BLK: variants seen among roughly 807,000 people sequenced by gnomAD.
BLK encodes tyrosine-protein kinase Blk.
A neutral mutation model predicts 61.8 loss-of-function variants in BLK; 64 were observed. The ratio of observed to expected loss-of-function variants is 1.03; its 90% confidence interval spans 0.85 to 1.27. BLK has a LOEUF of 1.27. Ranked by LOEUF, BLK falls within the 50% of genes most tolerant of loss-of-function variation. The pLI, the probability that BLK is intolerant of heterozygous loss-of-function variation, is 0.00. For synonymous variants in BLK, 351 were observed against 272.0 expected (o/e 1.29, Z -2.86); for missense variants, 853 against 660.5 (o/e 1.29, Z -3.19).
At chr8:11,500,334 C>T (rs1266708106) in intron 1 of BLK, among the ~76,000 whole-genome samples, 1 of 152,020 alleles carries the variant, frequency 6.6e-6, no homozygotes, top group African/African-American at 2.4e-5. Context: ...GCTAGGACTA[C>T]AGGTGTGCAC....
chr8:11,557,759 C>G, intron 9 of BLK: 1 of 568,364 alleles, frequency 1.8e-6, no homozygotes, highest in Non-Finnish European at 3.3e-6. Flanking sequence ...TATTGGCTGC[C>G]TCCCGGGGTG....
At chr8:11,554,617 G>A (rs931788421) in intron 6 of BLK, 126 bp from the exon 7 acceptor site, 6 of 1,134,022 alleles carry the variant, frequency 5.3e-6, no homozygotes, top group African/African-American at 3.0e-5. Flanking sequence ...ACTTGTGGAG[G>A]GAGTGCTGAT....
At chr8:11,542,365 G>GTCCTCTCTA (rs1800419978) in intron 1 of BLK, among the ~76,000 whole-genome samples, 1 of 152,312 alleles carries the variant, frequency 6.6e-6, no homozygotes, top group South Asian at 2.1e-4. Flanking sequence ...TCTGACACGC[G>GTCCTCTCTA]TGGGGACTTG....
chr8:11,554,425 G>A (rs1267382938), intron 6 of BLK, among the ~76,000 whole-genome samples: 2 of 152,094 alleles, frequency 1.3e-5, no homozygotes, highest in Admixed American at 6.5e-5. Context: ...AAGGGTCCCC[G>A]AGTGACCAGA....
rs1382564 is a variant in BLK, at chr8:11,537,955, T to G, written c.-1-5269T>G. Among the ~76,000 whole-genome samples, 832 of 152,156 alleles carry G rather than the reference T, an allele frequency of 5.5e-3. 8 individuals are homozygous for G. Among genetic ancestry groups the G allele is most frequent in the African/African-American group, 0.017 (702 of 41,500 alleles). ...ATTAGAGGGCCTAGCTGGTTTCAAA[T>G]AAACAAACAACTCCCCTTTCCCACT... On this transcript the variant is annotated intron_variant, in intron 1 of 12. Transcript: ENST00000259089.
intron 1 of BLK, among the ~76,000 whole-genome samples, chr8:11,519,713 T>C (rs964513687): frequency 1.3e-5 from 2 of 152,296 alleles, no homozygotes; most frequent in Non-Finnish European, 2.9e-5. Context: ...AAATGAGACA[T>C]GAACAGATCA....
intron 1 of BLK, among the ~76,000 whole-genome samples, chr8:11,507,014 G>A (rs144159439): frequency 2.0e-5 from 3 of 152,314 alleles, no homozygotes; most frequent in East Asian, 3.9e-4. Flanking sequence ...GTGCGGGTAG[G>A]GAAAATAACA....
At chr8:11,503,352 C>A (rs540826006) in intron 1 of BLK, among the ~76,000 whole-genome samples, 3 of 152,284 alleles carry the variant, frequency 2.0e-5, no homozygotes, top group East Asian at 1.9e-4. Context: ...CACTCTTCTG[C>A]AAAGTGCGTT....
rs772111389 is a variant in BLK at position 11,563,998 on chromosome 8, G to T, written c.1408G>T (p.Ala470Ser). The change falls in exon 13 of 13, where the codon GCC becomes TCC. Residue 470 changes from alanine (A) to serine (S), a missense_variant. By Grantham distance (99) the Ala-to-Ser change is moderately conservative. Transcript: ENST00000259089. ...GCCCGAGCTGTACCGCGGCGTCATC[G>T]CCGAGTGCTGGCGCAGCCGGCCCGA... ...CPPELYRGVIAECWRSRPEER... is the reference protein window; with the variant it reads ...CPPELYRGVISECWRSRPEER... The T allele has an allele frequency of 4.4e-6, 7 of 1,605,484 alleles. No homozygotes were observed. The highest frequency in any genetic ancestry group is 5.9e-6 in the Non-Finnish European group (7 of 1,179,236).
chr8:11,525,311 A>G (rs1799613104), intron 1 of BLK, among the ~76,000 whole-genome samples: 1 of 152,216 alleles, frequency 6.6e-6, no homozygotes, highest in African/African-American at 2.4e-5. Flanking sequence ...CTTAAAGCAA[A>G]ATGTAAAGTC....
At chr8:11,549,846 G>A (rs1217633287) in intron 5 of BLK, 3 of 396,368 alleles carry the variant, frequency 7.6e-6, no homozygotes, top group Non-Finnish European at 4.8e-6. Context: ...CCTGTGATAC[G>A]CAGCTGTGCT....
At position 11,564,165 on chromosome 8, in the gene BLK, G is replaced by C; in HGVS notation, c.*57G>C. 6.6e-7 allele frequency: 1 copy of C among 1,522,992 alleles called. No homozygotes were observed. Among genetic ancestry groups the C allele is most frequent in the Admixed American group, 2.0e-5 (1 of 50,878 alleles). 94.3% of individuals were successfully genotyped at this position (1,522,992 alleles called of 1,614,324 possible). The stretch of plus-strand genomic sequence containing the variant: ...CTCTGCGCGGACGACCCCGACTTCC[G>C]TGCCATCCCAGACGGGCCGCGAAGG... On this transcript the variant is annotated 3_prime_UTR_variant, in exon 13 of 13. Coordinates refer to ENST00000259089, the MANE Select transcript of BLK (RefSeq NM_001715.3).
At chr8:11,528,718 G>A (rs1457522519) in intron 1 of BLK, among the ~76,000 whole-genome samples, 2 of 152,204 alleles carry the variant, frequency 1.3e-5, no homozygotes, top group East Asian at 1.9e-4. Flanking sequence ...GAAAACATTG[G>A]TGCTCTTATC....
intron 1 of BLK, among the ~76,000 whole-genome samples, chr8:11,508,312 G>T (rs1411809847): frequency 3.3e-5 from 5 of 152,152 alleles, no homozygotes; most frequent in African/African-American, 1.2e-4. Flanking sequence ...TAGATCAAGA[G>T]CCAAGAACGG....
intron 10 of BLK, 114 bp downstream of exon 10, chr8:11,558,152 C>T: frequency 9.9e-7 from 1 of 1,009,128 alleles, no homozygotes; most frequent in Non-Finnish European, 1.5e-6. Context: ...TCAGGGGGTA[C>T]TGAAGGCCAC....
At chr8:11,561,098 G>C in intron 10 of BLK, 1 of 744,946 alleles carries the variant, frequency 1.3e-6, no homozygotes, top group Non-Finnish European at 2.3e-6. Context: ...CTGTGTCTCT[G>C]ATGCCCACGT....
At chr8:11,542,768 T>C (rs750108881) in intron 1 of BLK, among the ~76,000 whole-genome samples, 3 of 152,254 alleles carry the variant, frequency 2.0e-5, no homozygotes, top group South Asian at 2.1e-4. Flanking sequence ...GTTAGTCATC[T>C]TCTAACAAAG....
intron 1 of BLK, among the ~76,000 whole-genome samples, chr8:11,512,432 A>G (rs919501034): frequency 1.3e-5 from 2 of 152,238 alleles, no homozygotes; most frequent in Non-Finnish European, 2.9e-5. Flanking sequence ...TCTGACACAG[A>G]TGTGGATAGT....
chr8:11,508,064 C>T (rs565705123), intron 1 of BLK, among the ~76,000 whole-genome samples: 4 of 152,324 alleles, frequency 2.6e-5, no homozygotes, highest in African/African-American at 9.6e-5. Context: ...GTCCTCACAA[C>T]AGCCCCGTGA....
Sources: gnomAD v4.1 joint callset for allele counts (sites outside exome capture counted in the v4.1 genomes callset) on GRCh38, gnomAD v4.1.1 for gene constraint, MANE v1.5 for transcripts, NCBI Gene and HGNC (gene_info 2026-07-23, HGNC 2026-07-21) for gene names.